The following RANBP2 variants were observed in gnomAD, a reference collection of about 807,000 sequenced individuals.
RANBP2 encodes the protein RAN binding protein 2.
Under a neutral mutation model 303.6 loss-of-function variants are expected in RANBP2, and 57 were observed. The observed-to-expected ratio is 0.19, with a 90% CI of 0.15 to 0.23. The LOEUF (loss-of-function observed/expected upper bound fraction) is 0.23, where lower values mean the gene tolerates loss of function less well. RANBP2 is among the 10% of genes least tolerant of loss of function. The probability of loss-of-function intolerance (pLI) is 1.00; values close to 1 mark genes in which losing one functional copy is unlikely to be tolerated. For missense variants in RANBP2, 3,138 were observed against 3,780.8 expected, an observed-to-expected ratio of 0.83 and a Z score of 4.46; for synonymous variants, 1,167 against 1,301.5, an observed-to-expected ratio of 0.90 and a Z score of 2.23.
At chr2:108,723,681 A>G (rs1371497694) in intron 1 of RANBP2, among the ~76,000 whole-genome samples, 1 of 152,166 alleles carries the variant, frequency 6.6e-6, no homozygotes, top group Non-Finnish European at 1.5e-5. Context: ...TTTTGTTTAA[A>G]TGAATATTTA....
At chr2:109,320,749 A>G in the RANBP2 span, among the ~76,000 whole-genome samples, 4 of 152,244 alleles carry the variant, frequency 2.6e-5, no homozygotes, top group Admixed American at 2.0e-4. Context: ...CGTCAGGCAG[A>G]TGAACTTTCT....
chr2:108,967,503 C>CT, the RANBP2 span, among the ~76,000 whole-genome samples: 155 of 152,056 alleles, frequency 1.0e-3, no homozygotes, highest in Admixed American at 3.3e-3. Flanking sequence ...TCTTTTTATC[C>CT]TTTTTTTATT....
chr2:109,196,973 G>GA, the RANBP2 span, among the ~76,000 whole-genome samples: 1 of 152,200 alleles, frequency 6.6e-6, no homozygotes. Context: ...TGGGCACTGG[G>GA]AACAGGTGCT....
At chr2:109,389,849 C>T in the RANBP2 span, among the ~76,000 whole-genome samples, 1 of 148,950 alleles carries the variant, frequency 6.7e-6, no homozygotes, top group East Asian at 1.9e-4. Context: ...GAGAACAGGT[C>T]AGAGCCCACC....
the RANBP2 span, among the ~76,000 whole-genome samples, chr2:109,562,370 G>GC: frequency 6.7e-6 from 1 of 149,044 alleles, no homozygotes. Flanking sequence ...ACTTCCACCT[G>GC]CCCCCCTCCC....
At chr2:109,382,681 C>A in the RANBP2 span, among the ~76,000 whole-genome samples, 1 of 152,214 alleles carries the variant, frequency 6.6e-6, no homozygotes, top group Non-Finnish European at 1.5e-5. Context: ...GCCACTGAAT[C>A]TTCAGAACAG....
At chr2:108,989,580 T>C in the RANBP2 span, among the ~76,000 whole-genome samples, 2 of 152,096 alleles carry the variant, frequency 1.3e-5, no homozygotes, top group Admixed American at 1.3e-4. Context: ...GCTTCCAACA[T>C]GTCTGTTCAC....
the RANBP2 span, among the ~76,000 whole-genome samples, chr2:109,624,170 A>G: frequency 6.6e-6 from 1 of 152,136 alleles, no homozygotes; most frequent in African/African-American, 2.4e-5. Flanking sequence ...TTCTGAGATA[A>G]CCTTCACTCA....
chr2:109,247,145 T>C, the RANBP2 span, among the ~76,000 whole-genome samples: 3 of 152,180 alleles, frequency 2.0e-5, no homozygotes, highest in Non-Finnish European at 4.4e-5. Context: ...TCCAGAGACA[T>C]GAAACATGGA....
At chr2:109,413,901 C>G in the RANBP2 span, among the ~76,000 whole-genome samples, 2 of 151,900 alleles carry the variant, frequency 1.3e-5, no homozygotes, top group African/African-American at 4.9e-5. Context: ...GGTGTAACTC[C>G]CCACCAGTGG....
chr2:109,670,690 A>G, the RANBP2 span, among the ~76,000 whole-genome samples: 1 of 152,170 alleles, frequency 6.6e-6, no homozygotes, highest in African/African-American at 2.4e-5. Context: ...AATCCTGAGC[A>G]TGGCAGGGCC....
the RANBP2 span, among the ~76,000 whole-genome samples, chr2:109,508,945 G>C: frequency 3.9e-5 from 6 of 152,248 alleles, no homozygotes; most frequent in Admixed American, 1.3e-4. Flanking sequence ...TCCACTCCAT[G>C]ATGGGTCCCA....
the RANBP2 span, among the ~76,000 whole-genome samples, chr2:109,333,869 A>G: frequency 2.0e-5 from 3 of 152,198 alleles, no homozygotes; most frequent in Non-Finnish European, 4.4e-5. Flanking sequence ...AATTATGATG[A>G]TATAATAATG....
chr2:108,911,568 C>T, the RANBP2 span, among the ~76,000 whole-genome samples: 1 of 152,340 alleles, frequency 6.6e-6, no homozygotes, highest in Middle Eastern at 3.4e-3. Flanking sequence ...GGGGGTGCCT[C>T]GGCTGGGCCA....
chr2:109,534,546 G>A, the RANBP2 span, among the ~76,000 whole-genome samples: 11 of 152,270 alleles, frequency 7.2e-5, 1 homozygote, highest in Non-Finnish European at 1.0e-4. Context: ...TTGGGAGGCC[G>A]AGGTGAGTGG....
chr2:109,667,034 T>C, the RANBP2 span: 1 of 521,316 alleles, frequency 1.9e-6, no homozygotes, highest in East Asian at 4.1e-5. Flanking sequence ...GTTACTGATC[T>C]TATGGAAAAG....
the RANBP2 span, among the ~76,000 whole-genome samples, chr2:109,249,791 G>A: frequency 6.6e-6 from 1 of 151,466 alleles, no homozygotes; most frequent in South Asian, 2.1e-4. Context: ...TGAGTAGCTG[G>A]GACTACAGGC....
At chr2:109,097,331 A>G in the RANBP2 span, among the ~76,000 whole-genome samples, 3 of 141,726 alleles carry the variant, frequency 2.1e-5, no homozygotes, top group Middle Eastern at 6.9e-3. Flanking sequence ...AAAACAAAAC[A>G]AAACAAAACA....
the RANBP2 span, among the ~76,000 whole-genome samples, chr2:109,548,314 G>C: frequency 6.6e-6 from 1 of 152,184 alleles, no homozygotes. Context: ...GATCTGGTTA[G>C]GTAAATCTGA....
Sources: gnomAD v4.1 joint callset for allele counts (sites outside exome capture counted in the v4.1 genomes callset) on GRCh38, gnomAD v4.1.1 for gene constraint, MANE v1.5 for transcripts, NCBI Gene and HGNC (gene_info 2026-07-23, HGNC 2026-07-21) for gene names.